Variants in XYLT1 observed in about 807,000 individuals in gnomAD.
The protein encoded by XYLT1 is beta-D-xylosyltransferase 1.
Under a neutral mutation model 91.3 loss-of-function variants are expected in XYLT1, and 36 were observed. That is an observed-to-expected ratio of 0.39 (90% CI 0.30 to 0.52). XYLT1 has a LOEUF of 0.52. Among genes scored for constraint, XYLT1 ranks in the 20% least tolerant of loss-of-function variants. The pLI is 0.68. For missense variants in XYLT1, 1,242 were observed against 1,284.5 expected (o/e 0.97, Z 0.51); for synonymous variants, 588 against 532.0 (o/e 1.11, Z -1.45).
intron 2 of XYLT1, among the ~76,000 whole-genome samples, chr16:17,340,672 G>A (rs2035053273): frequency 6.6e-6 from 1 of 152,146 alleles, no homozygotes; most frequent in African/African-American, 2.4e-5. Context: ...ATTTGAAAGA[G>A]GGCATAACAA....
chr16:17,115,980 T>TA (rs58219672), intron 11 of XYLT1, among the ~76,000 whole-genome samples: 8,306 of 69,098 alleles, frequency 0.12, 821 homozygotes, highest in African/African-American at 0.3. Flanking sequence ...ACTTAGAAAG[T>TA]AAAAAAAAAA....
chr16:17,201,056 C>T (rs2032531633), intron 3 of XYLT1, among the ~76,000 whole-genome samples: 2 of 152,200 alleles, frequency 1.3e-5, no homozygotes, highest in African/African-American at 4.8e-5. Context: ...AGAATTCATT[C>T]TCCCTTCTTC....
At chr16:17,232,617 G>T (rs2033183348) in intron 3 of XYLT1, among the ~76,000 whole-genome samples, 1 of 151,720 alleles carries the variant, frequency 6.6e-6, no homozygotes, top group South Asian at 2.1e-4. Flanking sequence ...GATGGTGATA[G>T]CTGTGATGAC....
chr16:17,125,449 T>C (rs994124374), intron 10 of XYLT1, among the ~76,000 whole-genome samples: 1 of 152,140 alleles, frequency 6.6e-6, no homozygotes, highest in Non-Finnish European at 1.5e-5. Flanking sequence ...TTCCTACCAG[T>C]TTCCTTCTCA....
chr16:17,123,402 A>T (rs1293317767), intron 10 of XYLT1, among the ~76,000 whole-genome samples: 2 of 152,144 alleles, frequency 1.3e-5, no homozygotes, highest in Non-Finnish European at 2.9e-5. Context: ...TGAACTTTGC[A>T]CTTAGCACTG....
chr16:17,338,154 TCC>T, intron 2 of XYLT1: 1 of 455,838 alleles, frequency 2.2e-6, no homozygotes, highest in Non-Finnish European at 4.4e-6. Context: ...TTATCATAAC[TCC>T]CCTGAACTGA....
chr16:17,308,914 G>T (rs1434342159), intron 2 of XYLT1, among the ~76,000 whole-genome samples: 1 of 152,088 alleles, frequency 6.6e-6, no homozygotes, highest in Non-Finnish European at 1.5e-5. Context: ...GCGCAAAATA[G>T]CGGATACTGT....
intron 3 of XYLT1, among the ~76,000 whole-genome samples, chr16:17,208,994 T>C (rs2032710113): frequency 6.6e-6 from 1 of 152,224 alleles, no homozygotes; most frequent in South Asian, 2.1e-4. Context: ...CCCAAAGTGC[T>C]GGGATTACAG....
intron 4 of XYLT1, among the ~76,000 whole-genome samples, chr16:17,198,893 C>T (rs555712297): frequency 7.9e-5 from 12 of 152,184 alleles, no homozygotes; most frequent in Admixed American, 1.3e-4. Flanking sequence ...TACAAGTATG[C>T]GCCACCACGC....
intron 2 of XYLT1, among the ~76,000 whole-genome samples, chr16:17,285,373 G>A (rs1157553953): frequency 6.6e-6 from 1 of 152,198 alleles, no homozygotes; most frequent in Non-Finnish European, 1.5e-5. Context: ...CTGGGAACTT[G>A]CGCTAGATGC....
At position 17,470,682 on chromosome 16, in the gene XYLT1, C is replaced by T. The variant is rs1296249245; in HGVS notation, c.115G>A (p.Asp39Asn). The T allele has an allele frequency of 1.7e-6, 2 of 1,158,636 alleles. No homozygotes were observed. The highest frequency in any genetic ancestry group is 6.2e-5 in the Admixed American group (2 of 32,232). The allele number at this position is 1,158,636 out of a possible 1,614,324, so 71.8% of individuals were successfully genotyped here. A position where few individuals can be genotyped will look rare whatever the true frequency, so the allele number is the denominator to read the frequency against. Residue 39 changes from aspartate to asparagine, a missense_variant, in exon 1 of 12, where the codon GAC (aspartate) becomes AAC (asparagine). By Grantham distance (23) the Asp-to-Asn change is conservative (BLOSUM62 1). Transcript: ENST00000261381. ...TLVVWNFSSL[D>N]SGAGERRGGA... ...CCGCGGCGCTCCCCGGCCCCGGAGT[C>T]GAGGCTGCTGAAATTCCACACGACC...
intron 3 of XYLT1, among the ~76,000 whole-genome samples, chr16:17,257,668 C>CT (rs972411658): frequency 6.6e-6 from 1 of 152,200 alleles, no homozygotes; most frequent in Admixed American, 6.5e-5. Context: ...TCTCTCTACT[C>CT]TGAGTGGGTC....
chr16:17,318,713 C>T (rs1222108999), intron 2 of XYLT1, among the ~76,000 whole-genome samples: 3 of 151,926 alleles, frequency 2.0e-5, no homozygotes, highest in Admixed American at 1.3e-4. Flanking sequence ...CAGAGAAAAA[C>T]CAGAAAACTA....
Position 17,134,693 on chromosome 16 carries a change from C to A in XYLT1, c.1807G>T (p.Val603Leu). The A allele has an allele frequency of 6.2e-7, 1 of 1,614,196 alleles. No individual in the cohort carries two copies. The highest frequency in any genetic ancestry group is 8.5e-7 in the Non-Finnish European group (1 of 1,180,040). ...TGCCCAATGATTTCCTGATTCACCA[C>A]GGCTTCAAACTTGCGGGCAAAGAAG... ...PTFFARKFEAVVNQEIIGQLD... is the reference protein window; with the variant it reads ...PTFFARKFEALVNQEIIGQLD... Residue 603 changes from valine (V) to leucine (L), a missense_variant, in exon 9 of 12, where the codon GTG (valine) becomes TTG (leucine). By Grantham distance (32) the Val-to-Leu change is conservative. Transcript: ENST00000261381.
At chr16:17,309,177 C>A (rs879732294) in intron 2 of XYLT1, among the ~76,000 whole-genome samples, 6 of 152,010 alleles carry the variant, frequency 3.9e-5, no homozygotes, top group Non-Finnish European at 8.8e-5. Context: ...TGGATCATTC[C>A]GTCTTGGGTG....
At chr16:17,265,737 C>T (rs559386787) in intron 2 of XYLT1, among the ~76,000 whole-genome samples, 8 of 149,578 alleles carry the variant, frequency 5.3e-5, no homozygotes, top group African/African-American at 1.7e-4. Flanking sequence ...TGCAAAGACA[C>T]GTGGGTCTGT....
intron 5 of XYLT1, among the ~76,000 whole-genome samples, chr16:17,174,595 C>T (rs2031897704): frequency 6.6e-6 from 1 of 151,986 alleles, no homozygotes; most frequent in South Asian, 2.1e-4. Context: ...AGAAAGCAGA[C>T]CGGGGGTTGC....
chr16:17,443,618 T>C (rs2036558476), intron 1 of XYLT1, among the ~76,000 whole-genome samples: 1 of 152,190 alleles, frequency 6.6e-6, no homozygotes, highest in South Asian at 2.1e-4. Context: ...CAGCCTCAGG[T>C]GGTACCTTTA....
At position 17,458,865 on chromosome 16, in the gene XYLT1, T is replaced by C. The variant is rs572218406; in HGVS notation, c.363+11569A>G. Among the ~76,000 whole-genome samples the C allele has an allele frequency of 3.3e-5, 5 of 152,254 alleles. No individual in the cohort carries two copies. The South Asian group carries it at 6.2e-4, about 19-fold the overall frequency. ...TTATATTTCTGTATTTTCCATAATA[T>C]ACATTTAAAGAAATATACAGCGATT... is the stretch of plus-strand genomic sequence containing the variant. On this transcript the variant is annotated intron_variant, in intron 1 of 11. Transcript: ENST00000261381.
Sources: allele counts gnomAD v4.1 joint callset (sites outside exome capture counted in the v4.1 genomes callset), GRCh38; gene constraint gnomAD v4.1.1; transcripts MANE v1.5; gene names NCBI Gene and HGNC (gene_info 2026-07-23, HGNC 2026-07-21).